Variants in ZFYVE28 observed in about 807,000 individuals in gnomAD.
ZFYVE28 encodes lateral signaling target protein 2 homolog.
In ZFYVE28, 40 loss-of-function variants were observed where a neutral mutation model predicts 82.1. The observed-to-expected ratio is 0.49, with a 90% CI of 0.38 to 0.63. The LOEUF is 0.63. ZFYVE28 is among the 30% of genes least tolerant of loss of function. The probability of loss-of-function intolerance (pLI) is 0.00; values close to 1 mark genes in which losing one functional copy is unlikely to be tolerated. For missense variants in ZFYVE28, 1,321 were observed against 1,242.1 expected (o/e 1.06, Z -0.96); for synonymous variants, 612 against 546.1 (o/e 1.12, Z -1.68).
chr4:2,304,433 G>A lies in ZFYVE28; in HGVS notation c.1907C>T (p.Pro636Leu), dbSNP rs1481278997. The change falls in exon 8 of 13, where the codon CCT (proline) becomes CTT (leucine). Residue 636 changes from proline (P) to leucine (L), a missense_variant. By Grantham distance (98) the Pro-to-Leu change is moderately conservative. Around this residue, in one of 2 missense-constraint regions of ZFYVE28, gnomAD observed 978 missense variants for 833.7 expected, o/e 1.17. Transcript: ENST00000290974. ...GTCCACCTGGGAACCTGAGGTGTGA[G>A]GCAGGCACTTGTCGGAAGTGGGGGC... ...PKAPTSDKCL[P>L]HTSGSQVDTA... The A allele has an allele frequency of 3.1e-6, 5 of 1,613,698 alleles. No homozygotes were observed. The East Asian group carries it at 6.7e-5, about 22-fold the overall frequency.
In ZFYVE28 at chr4:2,353,942, G is replaced by A; in HGVS notation, c.171C>T (p.Arg57=). Reference sequence around the variant, plus strand: ...CTGCCCCGTGGCTCACCTGACAGGAGCGGAACTGGCTGACCAGCAGCGTGC... The same window carrying A: ...CTGCCCCGTGGCTCACCTGACAGGAACGGAACTGGCTGACCAGCAGCGTGC... The part of the protein sequence containing the change: ...QRCTLLVSQF[R]SCQDNVLNII... The change falls in exon 2 of 13, where the codon CGC becomes CGT. Residue 57 remains arginine (R), a synonymous_variant. Coordinates refer to ENST00000290974, the MANE Select transcript of ZFYVE28 (RefSeq NM_020972.3). 1.9e-6 allele frequency: 3 copies of A among 1,542,826 alleles called. No homozygotes were observed. Among genetic ancestry groups the A allele is most frequent in the Non-Finnish European group, 2.6e-6 (3 of 1,142,504 alleles).
At chr4:2,308,618 G>C (rs1223578706) in intron 7 of ZFYVE28, among the ~76,000 whole-genome samples, 7 of 118,676 alleles carry the variant, frequency 5.9e-5, no homozygotes, top group African/African-American at 2.3e-4. Flanking sequence ...GAGAAAGAAA[G>C]AAAGAAGACA....
rs1227706645 is a variant in ZFYVE28 at position 2,320,258 on chromosome 4, A to T, written c.715T>A (p.Tyr239Asn). The T allele has an allele frequency of 2.5e-6, 4 of 1,613,966 alleles. No individual in the cohort carries two copies. In the East Asian group the frequency reaches 8.9e-5, roughly 36 times the overall value. ...RLAIVCGLVV[Y>N]ADGPLNLDRK... ...TCCAAGTTCAGAGGTCCGTCCGCAT[A>T]GACCACGAGGCCACTGCATTTGAGA... Residue 239 changes from tyrosine (Y) to asparagine (N), a missense_variant, in exon 7 of 13, where the codon TAT becomes AAT. By Grantham distance (143) the Tyr-to-Asn change is moderately radical (BLOSUM62 -2). Around this residue, in one of 2 missense-constraint regions of ZFYVE28, gnomAD observed 343 missense variants for 408.4 expected, o/e 0.84. Coordinates refer to ENST00000290974, the MANE Select transcript of ZFYVE28 (RefSeq NM_020972.3). The surrounding 1 kb of genome is among the most constrained non-coding windows in gnomAD (Gnocchi z 5.1).
intron 7 of ZFYVE28, among the ~76,000 whole-genome samples, chr4:2,309,934 T>C (rs528474322): frequency 1.3e-5 from 2 of 152,366 alleles, no homozygotes; most frequent in East Asian, 1.9e-4. Context: ...TTTTCTTGAA[T>C]CTTTCAAAAT....
intron 8 of ZFYVE28, chr4:2,285,763 C>T (rs577278481): frequency 6.6e-6 from 1 of 152,530 alleles, no homozygotes; most frequent in African/African-American, 2.4e-5. Flanking sequence ...TGGGCCGGTC[C>T]AGGAGGGCAG....
chr4:2,293,895 T>C (rs1423460189), intron 8 of ZFYVE28, among the ~76,000 whole-genome samples: 1 of 152,138 alleles, frequency 6.6e-6, no homozygotes, highest in African/African-American at 2.4e-5. Context: ...AGGATTCATC[T>C]GACAAAAGAT....
intron 1 of ZFYVE28, among the ~76,000 whole-genome samples, chr4:2,382,165 T>C (rs6599429): frequency 0.87 from 132,905 of 152,256 alleles, 58,359 homozygotes; most frequent in African/African-American, 0.97. Context: ...GCTGCAGGGG[T>C]GGGGCACTCA....
chr4:2,352,411 G>A (rs915924569), intron 2 of ZFYVE28, among the ~76,000 whole-genome samples: 2 of 151,958 alleles, frequency 1.3e-5, no homozygotes, highest in Admixed American at 6.6e-5. Flanking sequence ...ATAGGAGGAG[G>A]GAGGAAGAGG....
At chr4:2,361,695 C>G (rs1332212543) in intron 1 of ZFYVE28, among the ~76,000 whole-genome samples, 3 of 152,170 alleles carry the variant, frequency 2.0e-5, no homozygotes, top group Non-Finnish European at 1.5e-5. Context: ...CGCTGGATGC[C>G]AAGGCGCCAG....
intron 8 of ZFYVE28, among the ~76,000 whole-genome samples, chr4:2,275,606 C>G (rs777827178): frequency 1.6e-4 from 25 of 152,332 alleles, no homozygotes; most frequent in South Asian, 1.0e-3. Context: ...TCATGCCGAG[C>G]CTTGCCCCAA....
chr4:2,356,461 C>CG (rs1486686676), intron 1 of ZFYVE28, among the ~76,000 whole-genome samples: 3 of 140,214 alleles, frequency 2.1e-5, no homozygotes, highest in Non-Finnish European at 4.6e-5. Flanking sequence ...CCTGCCCCCC[C>CG]GGCCGTTGGT....
intron 1 of ZFYVE28, among the ~76,000 whole-genome samples, chr4:2,404,047 A>G (rs1257516540): frequency 6.6e-6 from 1 of 151,284 alleles, no homozygotes; most frequent in Non-Finnish European, 1.5e-5. Flanking sequence ...TGGGCCGGGC[A>G]TGGTGGCTCA....
At chr4:2,384,995 G>C (rs1301045439) in intron 1 of ZFYVE28, among the ~76,000 whole-genome samples, 1 of 152,126 alleles carries the variant, frequency 6.6e-6, no homozygotes, top group Non-Finnish European at 1.5e-5. Context: ...CACCCTCAAG[G>C]AGTGCAGCAA....
intron 1 of ZFYVE28, among the ~76,000 whole-genome samples, chr4:2,376,692 C>A (rs1171259502): frequency 1.3e-5 from 2 of 152,172 alleles, no homozygotes; most frequent in African/African-American, 2.4e-5. Flanking sequence ...TCAATTACGT[C>A]CCATCAAGTC....
chr4:2,271,089 G>A (rs1735864830), intron 12 of ZFYVE28: 2 of 742,106 alleles, frequency 2.7e-6, no homozygotes, highest in South Asian at 1.8e-5. Flanking sequence ...CCTCTCTGTG[G>A]CTGGCTCTGC....
rs58025206 is a variant in ZFYVE28, at chr4:2,342,018, A to G, written c.181-403T>C. Among the ~76,000 whole-genome samples, 401 of 152,332 alleles carry G rather than the reference A, an allele frequency of 2.6e-3. 12 individuals carry two copies. In the East Asian group the frequency reaches 0.061, roughly 23 times the overall value. Reference sequence around the variant, plus strand: ...CAGGGCAATAAAGAGCAGCAACCGCAGGAGCCATGGGCTCAGACGGACTCT... The same window carrying G: ...CAGGGCAATAAAGAGCAGCAACCGCGGGAGCCATGGGCTCAGACGGACTCT... On this transcript the variant is annotated intron_variant, in intron 2 of 12. Transcript: ENST00000290974.
intron 1 of ZFYVE28, among the ~76,000 whole-genome samples, chr4:2,401,112 G>T (rs1432205205): frequency 6.6e-6 from 1 of 152,166 alleles, no homozygotes; most frequent in Non-Finnish European, 1.5e-5. Context: ...AGGAAGGCTG[G>T]GCAGGTGGGC....
intron 6 of ZFYVE28, among the ~76,000 whole-genome samples, chr4:2,322,727 C>A (rs971637833): frequency 1.3e-5 from 2 of 152,220 alleles, no homozygotes; most frequent in Non-Finnish European, 2.9e-5. Flanking sequence ...CCAGAAAACA[C>A]CCTTTTAATA....
At chr4:2,363,533 G>C (rs576904861) in intron 1 of ZFYVE28, among the ~76,000 whole-genome samples, 1 of 152,300 alleles carries the variant, frequency 6.6e-6, no homozygotes, top group Admixed American at 6.5e-5. Context: ...TAGCCCTGGT[G>C]CAAAGAGAAG....
Sources: gnomAD v4.1 joint callset for allele counts (sites outside exome capture counted in the v4.1 genomes callset) on GRCh38, gnomAD v4.1.1 for gene constraint, gnomAD v4.1.1 regional missense constraint, Gnocchi (gnomAD v3.1) non-coding constraint, MANE v1.5 for transcripts, NCBI Gene and HGNC (gene_info 2026-07-23, HGNC 2026-07-21) for gene names.